Variants in DLGAP1 observed in about 807,000 individuals in gnomAD.
DLGAP1 encodes the protein disks large-associated protein 1.
DLGAP1 carries 11 observed loss-of-function variants against 90.8 expected under a neutral mutation model. The observed-to-expected ratio is 0.12, with a 90% CI of 0.08 to 0.20. DLGAP1 has a LOEUF of 0.20. Ranked by LOEUF, DLGAP1 falls within the 10% of genes least tolerant of loss-of-function variation. DLGAP1 has a pLI of 1.00. For missense variants in DLGAP1, 1,050 were observed against 1,333.8 expected (o/e 0.79, Z 3.31); for synonymous variants, 558 against 540.7 (o/e 1.03, Z -0.44).
At chr18:4,322,943 GAAAAAA>G (rs60113288) in intron 1 of DLGAP1, among the ~76,000 whole-genome samples, 227 of 97,606 alleles carry the variant, frequency 2.3e-3, no homozygotes, top group Middle Eastern at 0.015. Context: ...CCTGGGCACA[GAAAAAA>G]AAAAAAAAAA....
chr18:3,795,008 C>T (rs148811766), intron 5 of DLGAP1, among the ~76,000 whole-genome samples: 118 of 152,320 alleles, frequency 7.7e-4, no homozygotes, highest in African/African-American at 2.7e-3. Context: ...TGCAAACGAT[C>T]CAATGAATAC....
chr18:4,137,486 T>C (rs924479546), intron 2 of DLGAP1, among the ~76,000 whole-genome samples: 1 of 152,200 alleles, frequency 6.6e-6, no homozygotes, highest in Non-Finnish European at 1.5e-5. Context: ...CATTGGTCTA[T>C]GTGTCTGTTT....
At chr18:4,212,180 A>G (rs2077856304) in intron 1 of DLGAP1, among the ~76,000 whole-genome samples, 4 of 152,128 alleles carry the variant, frequency 2.6e-5, no homozygotes, top group Admixed American at 2.6e-4. Flanking sequence ...TGCCCAATGC[A>G]TAGCACTGAC....
chr18:3,993,098 A>G (rs2074000794), intron 3 of DLGAP1: 1 of 151,076 alleles, frequency 6.6e-6, no homozygotes, highest in Non-Finnish European at 1.5e-5. Flanking sequence ...CAGTTCTGCC[A>G]ACGATTTATC....
intron 10 of DLGAP1, among the ~76,000 whole-genome samples, chr18:3,511,965 A>T (rs2050569187): frequency 6.6e-6 from 1 of 152,136 alleles, no homozygotes; most frequent in South Asian, 2.1e-4. Flanking sequence ...CCAGCACAGT[A>T]GCACCCATAG....
chr18:4,345,787 A>G (rs1160211703), intron 1 of DLGAP1, among the ~76,000 whole-genome samples: 1 of 152,226 alleles, frequency 6.6e-6, no homozygotes, highest in Admixed American at 6.5e-5. Context: ...GTGTCTAGTT[A>G]GTTAATATAG....
intron 1 of DLGAP1, chr18:4,431,117 C>G (rs2144750993): frequency 6.5e-6 from 1 of 153,380 alleles, no homozygotes; most frequent in Non-Finnish European, 1.5e-5. Flanking sequence ...AACAAAATGT[C>G]AAGAAAATAT....
intron 2 of DLGAP1, among the ~76,000 whole-genome samples, chr18:4,037,305 T>C (rs896972582): frequency 6.6e-6 from 1 of 152,170 alleles, no homozygotes; most frequent in Non-Finnish European, 1.5e-5. Flanking sequence ...GAGTCTATAC[T>C]AAGAAAAATG....
At chr18:3,604,546 A>G (rs1394596005) in intron 7 of DLGAP1, among the ~76,000 whole-genome samples, 1 of 152,160 alleles carries the variant, frequency 6.6e-6, no homozygotes, top group African/African-American at 2.4e-5. Flanking sequence ...AAGGTTCCCC[A>G]TCTCAGTACA....
intron 1 of DLGAP1, among the ~76,000 whole-genome samples, chr18:4,269,548 G>GT (rs1223781773): frequency 2.6e-5 from 4 of 151,588 alleles, no homozygotes; most frequent in African/African-American, 4.8e-5. Context: ...TAGAGACGGG[G>GT]TTTCACCGTG....
chr18:4,004,352 C>T (rs184333893), intron 3 of DLGAP1, among the ~76,000 whole-genome samples: 10,044 of 152,070 alleles, frequency 0.066, 957 homozygotes, highest in African/African-American at 0.21. Flanking sequence ...CCTAATCACT[C>T]GGGGAACAGC....
intron 4 of DLGAP1, among the ~76,000 whole-genome samples, chr18:3,814,596 C>T (rs969247473): frequency 3.9e-5 from 6 of 152,022 alleles, no homozygotes; most frequent in Admixed American, 3.3e-4. Flanking sequence ...CTCCTGACCT[C>T]GTGATCTGCC....
intron 7 of DLGAP1, among the ~76,000 whole-genome samples, chr18:3,693,794 A>G (rs2060983878): frequency 6.6e-6 from 1 of 152,242 alleles, no homozygotes; most frequent in Non-Finnish European, 1.5e-5. Flanking sequence ...AAGCTGCTAG[A>G]GGAGCATTTA....
chr18:3,573,815 C>T (rs980225473), intron 8 of DLGAP1, among the ~76,000 whole-genome samples: 23 of 152,176 alleles, frequency 1.5e-4, no homozygotes, highest in African/African-American at 5.3e-4. Flanking sequence ...GATCCTCCCA[C>T]CTCAGCCTCC....
intron 3 of DLGAP1, among the ~76,000 whole-genome samples, chr18:3,893,031 TTAAG>T (rs2071517428): frequency 6.6e-6 from 1 of 151,816 alleles, no homozygotes; most frequent in South Asian, 2.1e-4. Context: ...ATTGTACCTA[TTAAG>T]TAATTTCTCA....
chr18:4,045,502 G>A (rs1458514470), intron 2 of DLGAP1, among the ~76,000 whole-genome samples: 2 of 146,628 alleles, frequency 1.4e-5, no homozygotes, highest in African/African-American at 5.1e-5. Context: ...GGGAGGGTGA[G>A]GCGGACGGAT....
intron 1 of DLGAP1, among the ~76,000 whole-genome samples, chr18:4,279,938 G>A (rs778806626): frequency 5.9e-5 from 9 of 151,952 alleles, no homozygotes; most frequent in Non-Finnish European, 1.3e-4. Flanking sequence ...TGATTTATTC[G>A]TTAAACAGTC....
chr18:4,241,622 C>T (rs1430171998), intron 1 of DLGAP1, among the ~76,000 whole-genome samples: 1 of 152,118 alleles, frequency 6.6e-6, no homozygotes, highest in Non-Finnish European at 1.5e-5. Context: ...AATAATATAC[C>T]ATCATTCTGA....
intron 7 of DLGAP1, among the ~76,000 whole-genome samples, chr18:3,659,685 C>T (rs779728425): frequency 6.6e-6 from 1 of 152,056 alleles, no homozygotes; most frequent in Non-Finnish European, 1.5e-5. Context: ...CCTACCTCAG[C>T]GTCCCGAGTA....
Sources: gnomAD v4.1 joint callset for allele counts (sites outside exome capture counted in the v4.1 genomes callset) on GRCh38, gnomAD v4.1.1 for gene constraint, MANE v1.5 for transcripts, NCBI Gene and HGNC (gene_info 2026-07-23, HGNC 2026-07-21) for gene names.